Variants in CACNA2D3 observed in about 807,000 individuals in gnomAD.
CACNA2D3 encodes voltage-dependent calcium channel subunit alpha-2/delta-3.
CACNA2D3 carries 60 observed loss-of-function variants against 160.6 expected under a neutral mutation model. That is an observed-to-expected ratio of 0.37 (90% CI 0.30 to 0.46). The LOEUF is 0.46. Ranked by LOEUF, CACNA2D3 falls within the 20% of genes least tolerant of loss-of-function variation. The probability of loss-of-function intolerance (pLI) is 1.00; values close to 1 mark genes in which losing one functional copy is unlikely to be tolerated. For synonymous variants in CACNA2D3, 558 were observed against 492.9 expected, an observed-to-expected ratio of 1.13 and a Z score of -1.75; for missense variants, 1,205 against 1,365.0, an observed-to-expected ratio of 0.88 and a Z score of 1.85.
At chr3:54,780,780 A>G (rs1180895737) in intron 13 of CACNA2D3, among the ~76,000 whole-genome samples, 1 of 152,200 alleles carries the variant, frequency 6.6e-6, no homozygotes, top group Non-Finnish European at 1.5e-5. Flanking sequence ...TCCTTAATGA[A>G]TTAGCATTTC....
At chr3:54,671,515 C>G (rs1019696906) in intron 11 of CACNA2D3, among the ~76,000 whole-genome samples, 5 of 152,132 alleles carry the variant, frequency 3.3e-5, no homozygotes, top group African/African-American at 1.2e-4. Flanking sequence ...CATGATTTAT[C>G]AAAAGTGACA....
chr3:54,721,997 A>G (rs986929572), intron 11 of CACNA2D3, among the ~76,000 whole-genome samples: 2 of 152,082 alleles, frequency 1.3e-5, no homozygotes, highest in Non-Finnish European at 2.9e-5. Flanking sequence ...TAATATCCTG[A>G]AGAGTGTTTT....
At chr3:54,220,052 T>G (rs114270650) in intron 2 of CACNA2D3, among the ~76,000 whole-genome samples, 75 of 152,342 alleles carry the variant, frequency 4.9e-4, no homozygotes, top group African/African-American at 1.8e-3. Flanking sequence ...TTCTGTTTCT[T>G]AATGGAATTT....
At chr3:54,699,758 T>C (rs1291036774) in intron 11 of CACNA2D3, among the ~76,000 whole-genome samples, 1 of 152,196 alleles carries the variant, frequency 6.6e-6, no homozygotes, top group Non-Finnish European at 1.5e-5. Context: ...AGGATAGTAA[T>C]ATTGACTTCA....
intron 33 of CACNA2D3, 75 bp from the exon 34 acceptor site, chr3:55,009,313 A>G (rs970613146): frequency 1.4e-5 from 18 of 1,305,928 alleles, no homozygotes; most frequent in Non-Finnish European, 1.8e-5. Context: ...GATGCCAAAG[A>G]ATACAGAAAG....
intron 5 of CACNA2D3, among the ~76,000 whole-genome samples, chr3:54,532,066 C>G (rs1701814465): frequency 6.6e-6 from 1 of 152,184 alleles, no homozygotes; most frequent in Admixed American, 6.5e-5. Context: ...CTGCCTGACC[C>G]TGTGGATGCC....
At chr3:54,755,366 G>A (rs1414304895) in intron 12 of CACNA2D3, among the ~76,000 whole-genome samples, 1 of 152,120 alleles carries the variant, frequency 6.6e-6, no homozygotes, top group Non-Finnish European at 1.5e-5. Context: ...TGAACAGCCA[G>A]GCTCTTAAAC....
At chr3:54,338,577 C>T (rs1403295210) in intron 3 of CACNA2D3, among the ~76,000 whole-genome samples, 1 of 151,404 alleles carries the variant, frequency 6.6e-6, no homozygotes, top group Non-Finnish European at 1.5e-5. Context: ...CTTCAGCAAT[C>T]AGTCGCTTAC....
intron 2 of CACNA2D3, among the ~76,000 whole-genome samples, chr3:54,129,843 T>C (rs9831964): frequency 0.39 from 59,512 of 152,076 alleles, 11,823 homozygotes; most frequent in East Asian, 0.62. Context: ...TGTGCGTGCC[T>C]GTGCCAATAA....
intron 35 of CACNA2D3, among the ~76,000 whole-genome samples, chr3:55,028,481 T>C (rs920601643): frequency 2.6e-5 from 4 of 152,174 alleles, no homozygotes; most frequent in African/African-American, 9.6e-5. Flanking sequence ...TTCTGGGCAT[T>C]TGTGACTGTC....
chr3:54,510,033 T>A (rs1701435369), intron 5 of CACNA2D3, among the ~76,000 whole-genome samples: 1 of 152,206 alleles, frequency 6.6e-6, no homozygotes, highest in South Asian at 2.1e-4. Context: ...TGCTTAGGCT[T>A]ATGTTTAGCC....
intron 11 of CACNA2D3, among the ~76,000 whole-genome samples, chr3:54,696,689 G>C (rs1382266418): frequency 1.3e-5 from 2 of 152,134 alleles, no homozygotes; most frequent in Admixed American, 6.5e-5. Context: ...AGCAAACCCA[G>C]TTGTCCTGTG....
At chr3:54,441,331 G>A (rs767372896) in intron 4 of CACNA2D3, among the ~76,000 whole-genome samples, 1 of 152,118 alleles carries the variant, frequency 6.6e-6, no homozygotes, top group Admixed American at 6.5e-5. Flanking sequence ...TTTTGTTGGG[G>A]TTGTTTGTTT....
At chr3:54,147,137 G>T (rs1344691198) in intron 2 of CACNA2D3, among the ~76,000 whole-genome samples, 1 of 152,216 alleles carries the variant, frequency 6.6e-6, no homozygotes, top group Non-Finnish European at 1.5e-5. Flanking sequence ...AGAGCTGGGG[G>T]TGAGGGGACA....
At chr3:54,411,816 A>C (rs1484500606) in intron 4 of CACNA2D3, among the ~76,000 whole-genome samples, 4 of 152,232 alleles carry the variant, frequency 2.6e-5, no homozygotes, top group African/African-American at 9.6e-5. Flanking sequence ...GAAACAAAAA[A>C]CAAAAAAGAG....
chr3:54,733,573 A>T (rs1402287121), intron 11 of CACNA2D3, among the ~76,000 whole-genome samples: 1 of 152,230 alleles, frequency 6.6e-6, no homozygotes, highest in African/African-American at 2.4e-5. Context: ...GGTTAACATT[A>T]GGCCTCCCGG....
intron 11 of CACNA2D3, among the ~76,000 whole-genome samples, chr3:54,691,892 TG>T (rs1700578833): frequency 7.7e-6 from 1 of 130,032 alleles, no homozygotes; most frequent in Admixed American, 8.2e-5. Flanking sequence ...CTTTTAATTT[TG>T]ACTCTGTGAA....
chr3:54,303,498 A>T (rs746514743), intron 2 of CACNA2D3, among the ~76,000 whole-genome samples: 2 of 152,116 alleles, frequency 1.3e-5, no homozygotes, highest in Admixed American at 6.5e-5. Context: ...TCAAAAGCCT[A>T]TTTTTTCCAG....
intron 2 of CACNA2D3, among the ~76,000 whole-genome samples, chr3:54,139,389 C>T (rs1014976904): frequency 2.6e-5 from 4 of 152,264 alleles, no homozygotes; most frequent in African/African-American, 4.8e-5. Flanking sequence ...GCTCTGCAGA[C>T]AAGGCAGACT....
Sources: gnomAD v4.1 joint callset for allele counts (sites outside exome capture counted in the v4.1 genomes callset) on GRCh38, gnomAD v4.1.1 for gene constraint, MANE v1.5 for transcripts, NCBI Gene and HGNC (gene_info 2026-07-23, HGNC 2026-07-21) for gene names.